Variants in MYL4 observed in about 807,000 individuals in gnomAD.
The protein encoded by MYL4 is atrial myosin light chain 1.
Under a neutral mutation model 21.6 loss-of-function variants are expected in MYL4, and 16 were observed. That is an observed-to-expected ratio of 0.74 (90% confidence interval 0.50 to 1.12). The LOEUF (loss-of-function observed/expected upper bound fraction) is 1.12, where lower values mean the gene tolerates loss of function less well. Ranked by LOEUF, MYL4 falls within the 50% of genes most tolerant of loss-of-function variation. MYL4 has a pLI of 0.00. For synonymous variants in MYL4, 82 were observed against 95.7 expected (o/e 0.86, Z 0.83); for missense variants, 249 against 252.9 (o/e 0.98, Z 0.11).
At chr17:47,194,921 T>C in the MYL4 span, among the ~76,000 whole-genome samples, 3 of 152,022 alleles carry the variant, frequency 2.0e-5, no homozygotes, top group African/African-American at 7.2e-5. Flanking sequence ...TTGTATCCTT[T>C]GTAGAGACGG....
At chr17:47,213,481 T>C (rs1241123631) in intron 1 of MYL4, among the ~76,000 whole-genome samples, 11 of 152,356 alleles carry the variant, frequency 7.2e-5, no homozygotes, top group Middle Eastern at 3.4e-3. Flanking sequence ...ATGTGAATAC[T>C]ATGTGATAGT....
At chr17:47,226,137 C>T (rs1325345110), downstream of MYL4, among the ~76,000 whole-genome samples, 1 of 152,104 alleles carries the variant, frequency 6.6e-6, no homozygotes, top group Non-Finnish European at 1.5e-5. Context: ...GTTTTCCTTG[C>T]CCAAAGTAGC....
chr17:47,191,919 C>T, the MYL4 span, among the ~76,000 whole-genome samples: 1 of 152,170 alleles, frequency 6.6e-6, no homozygotes, highest in Admixed American at 6.5e-5. Flanking sequence ...AATATAGGAC[C>T]TTACCACAGA....
At chr17:47,222,949 G>A in intron 5 of MYL4, 65 bp from the exon 6 acceptor site, 1 of 1,598,212 alleles carries the variant, frequency 6.3e-7, no homozygotes, top group Non-Finnish European at 8.6e-7. Context: ...GTAGAGAAGG[G>A]ACAAGTGGTT....
chr17:47,221,761 C>T lies in MYL4; in HGVS notation c.393C>T (p.Thr131=). 1 of 1,614,196 alleles carries T rather than the reference C, an allele frequency of 6.2e-7. No individual in the cohort carries two copies. Among genetic ancestry groups the T allele is most frequent in the South Asian group, 1.1e-5 (1 of 91,080 alleles). The change falls in exon 4 of 7, where the codon ACC becomes ACT. Residue 131 remains threonine (T), a synonymous_variant. Coordinates refer to ENST00000393450, the MANE Select transcript of MYL4 (RefSeq NM_002476.2). ...TTTCCCGCAACAAGGAGCAGGGCAC[C>T]TATGAGGACTTCGTGGAGGGCCTGC... ...QHISRNKEQG[T]YEDFVEGLRV... is the part of the protein sequence containing the mutation.
upstream of MYL4, among the ~76,000 whole-genome samples, chr17:47,199,494 C>T (rs1458788657): frequency 2.0e-5 from 3 of 151,912 alleles, no homozygotes; most frequent in African/African-American, 7.3e-5. Context: ...CCTGCAGGTA[C>T]TTCTACTAAG....
intron 1 of MYL4, among the ~76,000 whole-genome samples, chr17:47,202,602 C>G (rs191437064): frequency 1.3e-5 from 2 of 152,164 alleles, no homozygotes; most frequent in East Asian, 3.8e-4. Flanking sequence ...AGTTTTAAAA[C>G]TACATCTGTC....
At chr17:47,198,413 T>C (rs747638494), upstream of MYL4, among the ~76,000 whole-genome samples, 1 of 152,090 alleles carries the variant, frequency 6.6e-6, no homozygotes, top group Non-Finnish European at 1.5e-5. Context: ...ATAAAAAATA[T>C]CTATAGCATC....
intron 3 of MYL4, among the ~76,000 whole-genome samples, chr17:47,220,280 C>T (rs1445999904): frequency 1.3e-5 from 2 of 152,210 alleles, no homozygotes; most frequent in African/African-American, 2.4e-5. Context: ...GTTTCCCTCA[C>T]GAGGTTGGGA....
chr17:47,227,265 T>C (rs78474645), downstream of MYL4, among the ~76,000 whole-genome samples: 4 of 152,356 alleles, frequency 2.6e-5, no homozygotes, highest in Non-Finnish European at 4.4e-5. Flanking sequence ...CTTGTCCTCC[T>C]AGTCATCCCT....
intron 1 of MYL4, among the ~76,000 whole-genome samples, chr17:47,211,962 C>T (rs1306922963): frequency 6.6e-6 from 1 of 152,110 alleles, no homozygotes; most frequent in African/African-American, 2.4e-5. Flanking sequence ...TGGTGGCTCA[C>T]GCCTGTAATC....
chr17:47,208,517 T>C (rs550891830), upstream of MYL4, among the ~76,000 whole-genome samples: 93 of 150,938 alleles, frequency 6.2e-4, no homozygotes, highest in African/African-American at 2.1e-3. Context: ...TGAATAGCAC[T>C]TAACAGTTCC....
At chr17:47,221,245 C>T (rs890032818) in intron 3 of MYL4, among the ~76,000 whole-genome samples, 2 of 152,116 alleles carry the variant, frequency 1.3e-5, no homozygotes, top group Non-Finnish European at 2.9e-5. Context: ...GTGATGCAAA[C>T]GTTGCTTTTT....
chr17:47,194,198 G>A, the MYL4 span, among the ~76,000 whole-genome samples: 12 of 152,188 alleles, frequency 7.9e-5, no homozygotes, highest in Non-Finnish European at 5.9e-5. Flanking sequence ...TACTTTGTTC[G>A]GAATGGAACC....
intron 2 of MYL4, among the ~76,000 whole-genome samples, chr17:47,216,955 A>G (rs1474964229): frequency 6.6e-6 from 1 of 152,086 alleles, no homozygotes; most frequent in Admixed American, 6.5e-5. Context: ...TGGCCTCCCA[A>G]AGTACTGGGA....
the MYL4 span, among the ~76,000 whole-genome samples, chr17:47,194,216 G>C: frequency 0.016 from 2,467 of 152,304 alleles, 53 homozygotes; most frequent in African/African-American, 0.056. Context: ...ACCCCTCATT[G>C]TCTTAAAATA....
chr17:47,190,279 T>C, the MYL4 span, among the ~76,000 whole-genome samples: 1 of 152,152 alleles, frequency 6.6e-6, no homozygotes, highest in Admixed American at 6.5e-5. Context: ...GAACTTATGT[T>C]CGCTTAGTTT....
chr17:47,191,560 T>A, the MYL4 span, among the ~76,000 whole-genome samples: 1 of 152,128 alleles, frequency 6.6e-6, no homozygotes, highest in Admixed American at 6.5e-5. Context: ...GTCCTCCGCC[T>A]CCGGGGTTCA....
intron 1 of MYL4, chr17:47,209,758 A>G (rs1304066358): frequency 1.4e-6 from 1 of 732,582 alleles, no homozygotes; most frequent in East Asian, 2.7e-5. Context: ...TTTTCCGTCA[A>G]GAATGAGGTG....
Sources: allele counts gnomAD v4.1 joint callset (sites outside exome capture counted in the v4.1 genomes callset), GRCh38; gene constraint gnomAD v4.1.1; transcripts MANE v1.5; gene names NCBI Gene and HGNC (gene_info 2026-07-23, HGNC 2026-07-21).